The following ADRA1B variants were observed in gnomAD, a reference collection of about 807,000 sequenced individuals.
ADRA1B encodes adrenoceptor alpha 1B.
A neutral mutation model predicts 17.9 loss-of-function variants in ADRA1B; 17 were observed. The observed-to-expected ratio is 0.95, with a 90% CI of 0.65 to 1.42. ADRA1B has a LOEUF of 1.42. Ranked by LOEUF, ADRA1B falls within the 40% of genes most tolerant of loss-of-function variation. The pLI is 0.00. For missense variants in ADRA1B, 681 were observed against 722.1 expected (o/e 0.94, Z 0.65); for synonymous variants, 366 against 327.6 (o/e 1.12, Z -1.27).
intron 1 of ADRA1B, among the ~76,000 whole-genome samples, chr5:159,970,768 G>T (rs1482885176): frequency 6.6e-6 from 1 of 152,128 alleles, no homozygotes; most frequent in Non-Finnish European, 1.5e-5. Flanking sequence ...CCTAATTTTT[G>T]CCAGCCTATC....
chr5:159,917,236 T>C lies in ADRA1B; in HGVS notation c.331T>C (p.Trp111Arg). 1 of 1,614,196 alleles carries C rather than the reference T, an allele frequency of 6.2e-7. No homozygotes were observed. Among genetic ancestry groups the C allele is most frequent in the Non-Finnish European group, 8.5e-7 (1 of 1,180,034 alleles). ...FSAALEVLGYWVLGRIFCDIW... is the reference protein window; with the variant it reads ...FSAALEVLGYRVLGRIFCDIW... ...AGCGGCCCTAGAGGTGCTCGGCTACTGGGTGCTGGGGCGGATCTTCTGTGA... is the reference window on the plus strand; with the variant it reads ...AGCGGCCCTAGAGGTGCTCGGCTACCGGGTGCTGGGGCGGATCTTCTGTGA... The change falls in exon 1 of 2, where the codon TGG (tryptophan) becomes CGG (arginine). Residue 111 changes from tryptophan to arginine, a missense_variant. Physicochemically the swap from Trp to Arg is moderately radical, Grantham distance 101. This residue lies in a region of ADRA1B where 424 missense variants were observed against 480.2 expected (regional missense o/e 0.88). Coordinates refer to ENST00000306675, the MANE Select transcript of ADRA1B (RefSeq NM_000679.4).
upstream of ADRA1B, among the ~76,000 whole-genome samples, chr5:159,915,687 T>A (rs1172810726): frequency 6.6e-6 from 1 of 152,168 alleles, no homozygotes; most frequent in African/African-American, 2.4e-5. Context: ...ATCACTTCAG[T>A]GACATCCCAA....
the ADRA1B span, among the ~76,000 whole-genome samples, chr5:159,985,730 CTCTT>C: frequency 6.6e-6 from 1 of 152,244 alleles, no homozygotes; most frequent in African/African-American, 2.4e-5. Flanking sequence ...TTGGAAGAAA[CTCTT>C]TCCTCAAAGG....
chr5:159,924,652 C>T (rs1037806529), intron 1 of ADRA1B, among the ~76,000 whole-genome samples: 1 of 152,140 alleles, frequency 6.6e-6, no homozygotes, highest in East Asian at 1.9e-4. Context: ...CCTGCTGGAG[C>T]AAAACGGCTC....
rs774367999 is a variant in ADRA1B at position 159,917,806 on chromosome 5, G to T, written c.901G>T (p.Gly301Cys). Residue 301 changes from glycine to cysteine, a missense_variant, in exon 1 of 2, where the codon GGT becomes TGT. By Grantham distance (159) the Gly-to-Cys change is radical (BLOSUM62 -3). Transcript: ENST00000306675. ...KAAKTLGIVV[G>C]MFILCWLPFF... ...AGCTAAGACGTTGGGCATTGTGGTC[G>T]GTATGTTCATCTTGTGCTGGCTACC... 1 of 1,613,002 alleles carries T rather than the reference G, an allele frequency of 6.2e-7. No individual in the cohort carries two copies. The highest frequency in any genetic ancestry group is 1.3e-5 in the African/African-American group (1 of 74,894).
At chr5:159,962,069 T>C (rs530409825) in intron 1 of ADRA1B, among the ~76,000 whole-genome samples, 18 of 152,128 alleles carry the variant, frequency 1.2e-4, no homozygotes, top group African/African-American at 3.9e-4. Flanking sequence ...CGTGATGACA[T>C]GCACTATAGT....
chr5:159,884,201 G>C (rs1454035942), intron 1 of ADRA1B, among the ~76,000 whole-genome samples: 2 of 152,238 alleles, frequency 1.3e-5, no homozygotes, highest in African/African-American at 4.8e-5. Flanking sequence ...TGTAAGTGAG[G>C]AATATTTTCC....
At chr5:159,876,294 C>T (rs373761567) in intron 1 of ADRA1B, among the ~76,000 whole-genome samples, 53 of 152,336 alleles carry the variant, frequency 3.5e-4, no homozygotes, top group South Asian at 2.1e-3. Flanking sequence ...GGCTCTGCAT[C>T]GGCTTCTGTG....
intron 1 of ADRA1B, among the ~76,000 whole-genome samples, chr5:159,895,513 A>G (rs57001717): frequency 0.1 from 15,659 of 152,174 alleles, 1,061 homozygotes; most frequent in African/African-American, 0.2. Context: ...ATTCAAACCC[A>G]GGTTTCAGGT....
chr5:159,894,421 G>A (rs914662234), intron 1 of ADRA1B, among the ~76,000 whole-genome samples: 68 of 151,842 alleles, frequency 4.5e-4, no homozygotes, highest in African/African-American at 1.6e-3. Context: ...TAGAATCCAG[G>A]CCAGCACATC....
chr5:159,941,753 T>C (rs1755132658), intron 1 of ADRA1B, among the ~76,000 whole-genome samples: 1 of 152,128 alleles, frequency 6.6e-6, no homozygotes, highest in Non-Finnish European at 1.5e-5. Flanking sequence ...TTGAAACCGA[T>C]ACGCTAAGGG....
chr5:159,925,660 T>C (rs1024808465), intron 1 of ADRA1B, among the ~76,000 whole-genome samples: 2 of 152,160 alleles, frequency 1.3e-5, no homozygotes, highest in Non-Finnish European at 2.9e-5. Flanking sequence ...GGAGTTACTG[T>C]GGCTAGTGGT....
At position 159,972,234 on chromosome 5, in the gene ADRA1B, G is replaced by A. The variant is rs1339045204; in HGVS notation, c.1305G>A (p.Ala435=). 1.5e-6 allele frequency: 2 copies of A among 1,320,820 alleles called. No homozygotes were observed. Among genetic ancestry groups the A allele is most frequent in the Non-Finnish European group, 9.7e-7 (1 of 1,032,982 alleles). The allele number at this position is 1,320,820 out of a possible 1,614,324, so 81.8% of individuals were successfully genotyped here. ...SPSPGYLGRG[A]PPPVELCAFP... ...GCCCGGGCTACCTGGGCCGCGGCGC[G>A]CCACCGCCAGTCGAGCTGTGCGCCT... The change falls in exon 2 of 2, where the codon GCG becomes GCA. Residue 435 remains alanine, a synonymous_variant. Transcript: ENST00000306675.
intron 1 of ADRA1B, among the ~76,000 whole-genome samples, chr5:159,947,483 A>G (rs898547341): frequency 1.3e-5 from 2 of 152,106 alleles, no homozygotes; most frequent in African/African-American, 2.4e-5. Context: ...CACTCAACCA[A>G]TGCAGCCTCT....
chr5:159,988,410 T>A, the ADRA1B span, among the ~76,000 whole-genome samples: 1 of 152,230 alleles, frequency 6.6e-6, no homozygotes, highest in Admixed American at 6.5e-5. Flanking sequence ...ATGCCACTAT[T>A]TTGTAATGCT....
At chr5:159,940,781 T>C (rs909998167) in intron 1 of ADRA1B, among the ~76,000 whole-genome samples, 18 of 152,222 alleles carry the variant, frequency 1.2e-4, no homozygotes, top group Non-Finnish European at 2.1e-4. Flanking sequence ...GTAGTTTTTA[T>C]TTTCTTTTCC....
intron 1 of ADRA1B, among the ~76,000 whole-genome samples, chr5:159,935,266 C>T (rs1194091403): frequency 6.6e-6 from 1 of 152,104 alleles, no homozygotes; most frequent in Non-Finnish European, 1.5e-5. Context: ...TATCAGATGA[C>T]TTTACCTAAC....
At chr5:159,965,702 C>T (rs1169912486) in intron 1 of ADRA1B, among the ~76,000 whole-genome samples, 3 of 152,174 alleles carry the variant, frequency 2.0e-5, no homozygotes, top group Admixed American at 6.5e-5. Context: ...AAATTTGTGG[C>T]ATCTGTGGCA....
At chr5:159,900,530 C>T (rs921200782) in intron 1 of ADRA1B, among the ~76,000 whole-genome samples, 1 of 152,164 alleles carries the variant, frequency 6.6e-6, no homozygotes, top group African/African-American at 2.4e-5. Flanking sequence ...TTCATGCTGG[C>T]ATGTAGCAAG....
Sources: gnomAD v4.1 joint callset for allele counts (sites outside exome capture counted in the v4.1 genomes callset) on GRCh38, gnomAD v4.1.1 for gene constraint, gnomAD v4.1.1 regional missense constraint, MANE v1.5 for transcripts, NCBI Gene and HGNC (gene_info 2026-07-23, HGNC 2026-07-21) for gene names.